FGF14: variants seen among roughly 807,000 people sequenced by gnomAD.
FGF14 encodes the protein fibroblast growth factor homologous factor 4.
FGF14 carries 5 observed loss-of-function variants against 25.5 expected under a neutral mutation model. The observed-to-expected ratio is 0.20, with a 90% CI of 0.10 to 0.41. The LOEUF is 0.41. Ranked by LOEUF, FGF14 falls within the 10% of genes least tolerant of loss-of-function variation. The pLI is 1.00. For synonymous variants in FGF14, 138 were observed against 118.3 expected (o/e 1.17, Z -1.08); for missense variants, 222 against 320.1 (o/e 0.69, Z 2.34).
intron 1 of FGF14, among the ~76,000 whole-genome samples, chr13:101,940,257 AG>A (rs1432474948): frequency 1.3e-5 from 2 of 152,234 alleles, no homozygotes; most frequent in Non-Finnish European, 2.9e-5. Context: ...GTGTTTTAAA[AG>A]GGTGATCGGG....
At chr13:102,204,757 C>G (rs762721526) in intron 1 of FGF14, among the ~76,000 whole-genome samples, 4 of 151,834 alleles carry the variant, frequency 2.6e-5, no homozygotes, top group Non-Finnish European at 4.4e-5. Context: ...ATGTTGGCCA[C>G]GCTAGTCTCG....
intron 1 of FGF14, among the ~76,000 whole-genome samples, chr13:102,076,437 A>G (rs2043366666): frequency 6.6e-6 from 1 of 152,210 alleles, no homozygotes; most frequent in African/African-American, 2.4e-5. Context: ...GGTAGGCTAT[A>G]CCATCTAGGC....
intron 1 of FGF14, among the ~76,000 whole-genome samples, chr13:102,387,386 A>C (rs939627883): frequency 3.3e-5 from 5 of 152,190 alleles, no homozygotes; most frequent in Admixed American, 6.5e-5. Flanking sequence ...ATCTCCTCTA[A>C]GCAATGATCA....
intron 1 of FGF14, among the ~76,000 whole-genome samples, chr13:102,139,233 A>G (rs537111616): frequency 6.7e-6 from 1 of 148,766 alleles, no homozygotes; most frequent in Admixed American, 6.7e-5. Context: ...TTTCTCATCT[A>G]TGAAATAGAA....
intron 3 of FGF14, chr13:101,778,808 G>A (rs950286170): frequency 1.3e-5 from 2 of 152,004 alleles, no homozygotes; most frequent in African/African-American, 2.4e-5. Flanking sequence ...AAAGAAAACA[G>A]CTTCTGCTTG....
intron 1 of FGF14, chr13:102,293,916 T>G (rs543203983): frequency 6.6e-6 from 1 of 152,250 alleles, no homozygotes; most frequent in East Asian, 1.9e-4. Flanking sequence ...TGATTCAGAA[T>G]GTCATATGAT....
At chr13:102,372,883 T>C (rs763086821) in intron 1 of FGF14, among the ~76,000 whole-genome samples, 5 of 152,158 alleles carry the variant, frequency 3.3e-5, no homozygotes, top group Non-Finnish European at 7.4e-5. Context: ...TAAATCTTCA[T>C]AACATTCCTA....
At chr13:102,310,649 G>A (rs965974912) in intron 1 of FGF14, among the ~76,000 whole-genome samples, 14 of 84,874 alleles carry the variant, frequency 1.6e-4, no homozygotes, top group Admixed American at 8.5e-4. Context: ...CTCTCTTCCC[G>A]TTTCTCTCTC....
intron 1 of FGF14, among the ~76,000 whole-genome samples, chr13:102,028,814 A>T (rs914536844): frequency 6.6e-6 from 1 of 152,072 alleles, no homozygotes. Context: ...AAACAAATTA[A>T]CTTTTTGCCT....
At chr13:101,835,489 G>A (rs1303924143) in intron 3 of FGF14, among the ~76,000 whole-genome samples, 1 of 151,892 alleles carries the variant, frequency 6.6e-6, no homozygotes, top group Non-Finnish European at 1.5e-5. Context: ...TTTATTGGTC[G>A]ACTATATCTT....
intron 3 of FGF14, among the ~76,000 whole-genome samples, chr13:101,798,765 G>A (rs1448660268): frequency 6.6e-6 from 1 of 152,098 alleles, no homozygotes; most frequent in Non-Finnish European, 1.5e-5. Flanking sequence ...GCTTATTTAA[G>A]TCACTGAAAT....
intron 3 of FGF14, among the ~76,000 whole-genome samples, chr13:101,796,886 T>C (rs1230173293): frequency 1.3e-5 from 2 of 152,068 alleles, no homozygotes; most frequent in Non-Finnish European, 2.9e-5. Flanking sequence ...GCAAGGTCAT[T>C]CAAGCTATTG....
intron 1 of FGF14, among the ~76,000 whole-genome samples, chr13:102,178,842 T>G (rs552059528): frequency 1.3e-5 from 2 of 152,138 alleles, no homozygotes; most frequent in Non-Finnish European, 2.9e-5. Flanking sequence ...AAATTTTAAA[T>G]TTTAAATTGT....
chr13:102,234,773 T>C (rs2051254927), intron 1 of FGF14, among the ~76,000 whole-genome samples: 1 of 152,226 alleles, frequency 6.6e-6, no homozygotes, highest in Admixed American at 6.5e-5. Flanking sequence ...TCTGAGCTTA[T>C]GAAACATACA....
intron 3 of FGF14, among the ~76,000 whole-genome samples, chr13:101,850,898 T>G (rs1214795005): frequency 6.6e-6 from 1 of 151,724 alleles, no homozygotes; most frequent in Admixed American, 6.6e-5. Flanking sequence ...TTCAACATGT[T>G]TTTGAGTCTC....
At chr13:102,345,513 T>C (rs1162155061) in intron 1 of FGF14, among the ~76,000 whole-genome samples, 1 of 152,222 alleles carries the variant, frequency 6.6e-6, no homozygotes, top group African/African-American at 2.4e-5. Context: ...CTACAAAGCA[T>C]GCCTTTTCCC....
At chr13:102,388,495 T>C (rs1417189191) in intron 1 of FGF14, among the ~76,000 whole-genome samples, 2 of 152,224 alleles carry the variant, frequency 1.3e-5, no homozygotes, top group African/African-American at 4.8e-5. Flanking sequence ...CAGTCCACAG[T>C]TGACTCCCAT....
chr13:101,934,818 G>GTCTGCC (rs1017347645), intron 1 of FGF14, among the ~76,000 whole-genome samples: 83 of 152,300 alleles, frequency 5.4e-4, no homozygotes, highest in African/African-American at 1.7e-3. Flanking sequence ...GCTGCAGACT[G>GTCTGCC]TCTGCCGGGT....
At position 101,722,023 on chromosome 13, in the gene FGF14, A is replaced by AAAAC. The variant is rs573249049; in HGVS notation, c.*804_*807dup. On this transcript the variant is annotated 3_prime_UTR_variant, in exon 5 of 5. Transcript: ENST00000376143. ...TTACCAGTAAGCTTGTGATATGTATAAAACACACACACACAAAGAAACTAG... is the reference window on the plus strand; with the variant it reads ...TTACCAGTAAGCTTGTGATATGTATAAAACAAACACACACACACAAAGAAACTAG... The AAAAC allele has an allele frequency of 9.0e-4, 137 of 152,280 alleles. No individual in the cohort carries two copies. The highest frequency in any genetic ancestry group is 3.0e-3 in the African/African-American group (126 of 41,494). 9.4% of individuals were successfully genotyped at this position (152,280 alleles called of 1,614,324 possible).
Sources: gnomAD v4.1 joint callset for allele counts (sites outside exome capture counted in the v4.1 genomes callset) on GRCh38, gnomAD v4.1.1 for gene constraint, MANE v1.5 for transcripts, NCBI Gene and HGNC (gene_info 2026-07-23, HGNC 2026-07-21) for gene names.